Variants in SUCLG2 observed in about 807,000 individuals in gnomAD.
SUCLG2 encodes the protein succinate-CoA ligase GDP-forming subunit beta, also known as succinate--CoA ligase [GDP-forming] subunit beta, mitochondrial.
In SUCLG2, 42 loss-of-function variants were observed where a neutral mutation model predicts 47.9. That is an observed-to-expected ratio of 0.88 (90% CI 0.69 to 1.14). The LOEUF (loss-of-function observed/expected upper bound fraction) is 1.14. SUCLG2 is among the 50% of genes most tolerant of loss of function. SUCLG2 has a pLI of 0.00. For synonymous variants in SUCLG2, 195 were observed against 197.3 expected (o/e 0.99, Z 0.10); for missense variants, 571 against 525.9 (o/e 1.09, Z -0.84).
At chr3:67,549,759 T>C (rs1324667296) in intron 2 of SUCLG2, among the ~76,000 whole-genome samples, 1 of 152,172 alleles carries the variant, frequency 6.6e-6, no homozygotes, top group East Asian at 1.9e-4. Context: ...TATGTACATA[T>C]ACAAATCTAT....
At chr3:67,550,021 A>C (rs1257459907) in intron 2 of SUCLG2, among the ~76,000 whole-genome samples, 1 of 152,186 alleles carries the variant, frequency 6.6e-6, no homozygotes, top group East Asian at 1.9e-4. Context: ...CCACTTCTTC[A>C]TTTCATGGGA....
chr3:67,475,902 G>T (rs1387065411), intron 9 of SUCLG2, among the ~76,000 whole-genome samples: 2 of 151,874 alleles, frequency 1.3e-5, no homozygotes, highest in East Asian at 1.9e-4. Context: ...CTGAAATACT[G>T]CCTGGAAGGA....
chr3:67,518,979 T>G lies in SUCLG2; in HGVS notation c.571-643A>C, dbSNP rs143972264. Among the ~76,000 whole-genome samples the G allele has an allele frequency of 4.4e-3, 673 of 152,264 alleles. 8 individuals are homozygous for G. The East Asian group carries it at 0.054, about 12-fold the overall frequency. ...TTATTATATAATATTAGTGAAAATA[T>G]TTTAAAACCAATCACTGCAGTATGA... On this transcript the variant is annotated intron_variant, in intron 5 of 10. Transcript: ENST00000307227.
chr3:67,472,128 T>C (rs1051137808), intron 9 of SUCLG2, among the ~76,000 whole-genome samples: 2 of 152,200 alleles, frequency 1.3e-5, no homozygotes, highest in African/African-American at 4.8e-5. Flanking sequence ...TGAAGACATA[T>C]AAAATGAGTC....
At chr3:67,616,915 C>G (rs1027729220) in intron 1 of SUCLG2, among the ~76,000 whole-genome samples, 6 of 152,170 alleles carry the variant, frequency 3.9e-5, no homozygotes, top group Admixed American at 2.0e-4. Context: ...GATTTAAACT[C>G]AGAGGAAAAT....
chr3:67,482,250 G>C (rs1190570533), intron 9 of SUCLG2, among the ~76,000 whole-genome samples: 1 of 152,148 alleles, frequency 6.6e-6, no homozygotes, highest in Non-Finnish European at 1.5e-5. Flanking sequence ...GTTGATTGCA[G>C]GCTGGATGCA....
chr3:67,508,758 AATAATT>A, intron 7 of SUCLG2, 43 bp downstream of exon 7: 1 of 1,400,006 alleles, frequency 7.1e-7, no homozygotes, highest in Non-Finnish European at 9.9e-7. Flanking sequence ...AGTTTGCATA[AATAATT>A]ATAATACATT....
At chr3:67,420,168 A>G (rs1462856673) in intron 9 of SUCLG2, among the ~76,000 whole-genome samples, 5 of 152,248 alleles carry the variant, frequency 3.3e-5, no homozygotes, top group Non-Finnish European at 5.9e-5. Flanking sequence ...GGGTGAAAAA[A>G]GGAAAATGAA....
intron 9 of SUCLG2, among the ~76,000 whole-genome samples, chr3:67,453,129 A>G (rs1188399676): frequency 6.6e-6 from 1 of 151,930 alleles, no homozygotes; most frequent in Non-Finnish European, 1.5e-5. Context: ...GGACTACAAC[A>G]CTGAATATCA....
At chr3:67,565,041 T>C (rs1707413185) in intron 2 of SUCLG2, among the ~76,000 whole-genome samples, 1 of 152,068 alleles carries the variant, frequency 6.6e-6, no homozygotes, top group Non-Finnish European at 1.5e-5. Flanking sequence ...GAAATTAAAG[T>C]AATGAGTGAG....
intron 9 of SUCLG2, among the ~76,000 whole-genome samples, chr3:67,418,060 G>A (rs138933775): frequency 6.6e-6 from 1 of 152,160 alleles, no homozygotes; most frequent in Admixed American, 6.5e-5. Context: ...CCATGCAGTA[G>A]GTTCTGATTC....
chr3:67,434,834 T>C (rs1010964404), intron 9 of SUCLG2, among the ~76,000 whole-genome samples: 3 of 152,162 alleles, frequency 2.0e-5, no homozygotes, highest in African/African-American at 7.2e-5. Flanking sequence ...TCCAAATAAA[T>C]GGGCAAGAGA....
intron 2 of SUCLG2, among the ~76,000 whole-genome samples, chr3:67,599,416 T>A (rs1708365762): frequency 6.6e-6 from 1 of 152,182 alleles, no homozygotes; most frequent in Admixed American, 6.5e-5. Context: ...CACAGTGAGT[T>A]AAAACTGAAT....
intron 9 of SUCLG2, among the ~76,000 whole-genome samples, chr3:67,426,285 A>C (rs1422327517): frequency 6.6e-6 from 1 of 152,230 alleles, no homozygotes; most frequent in East Asian, 1.9e-4. Context: ...TGGTTTGTAC[A>C]ATAACCAAAA....
chr3:67,451,266 C>G (rs770476502), intron 9 of SUCLG2, among the ~76,000 whole-genome samples: 5 of 152,320 alleles, frequency 3.3e-5, no homozygotes, highest in African/African-American at 4.8e-5. Flanking sequence ...AGACCTAACT[C>G]AAATGCCACC....
At chr3:67,511,743 A>G (rs1453808943) in intron 6 of SUCLG2, among the ~76,000 whole-genome samples, 3 of 152,176 alleles carry the variant, frequency 2.0e-5, no homozygotes, top group South Asian at 2.1e-4. Flanking sequence ...GCATTATTCT[A>G]TGAGTTTAAG....
intron 2 of SUCLG2, among the ~76,000 whole-genome samples, chr3:67,596,370 G>A (rs1194712176): frequency 6.6e-6 from 1 of 152,154 alleles, no homozygotes; most frequent in Non-Finnish European, 1.5e-5. Flanking sequence ...TGAGAGCCAG[G>A]AGAAAGAAAG....
At chr3:67,499,968 T>C (rs184916805) in intron 7 of SUCLG2, among the ~76,000 whole-genome samples, 1 of 152,242 alleles carries the variant, frequency 6.6e-6, no homozygotes, top group East Asian at 1.9e-4. Flanking sequence ...CCTGACCTTG[T>C]GATCTGCCCA....
chr3:67,549,960 C>G (rs1419253484), intron 2 of SUCLG2, among the ~76,000 whole-genome samples: 1 of 152,092 alleles, frequency 6.6e-6, no homozygotes, highest in Non-Finnish European at 1.5e-5. Context: ...TAGATTAAAT[C>G]AGCTGCCTGA....
Sources: gnomAD v4.1 joint callset for allele counts (sites outside exome capture counted in the v4.1 genomes callset) on GRCh38, gnomAD v4.1.1 for gene constraint, MANE v1.5 for transcripts, NCBI Gene and HGNC (gene_info 2026-07-23, HGNC 2026-07-21) for gene names.